The following MEIS1 variants were observed in gnomAD, a reference collection of about 807,000 sequenced individuals.
MEIS1 encodes the protein Meis homeobox 1.
In MEIS1, 5 loss-of-function variants were observed where a neutral mutation model predicts 50.8. That is an observed-to-expected ratio of 0.10 (90% CI 0.05 to 0.21). The LOEUF (loss-of-function observed/expected upper bound fraction) is 0.21. Ranked by LOEUF, MEIS1 falls within the 10% of genes least tolerant of loss-of-function variation. The pLI, the probability that MEIS1 is intolerant of heterozygous loss-of-function variation, is 1.00. For synonymous variants in MEIS1, 176 were observed against 179.3 expected, an observed-to-expected ratio of 0.98 and a Z score of 0.15; for missense variants, 318 against 517.3, an observed-to-expected ratio of 0.61 and a Z score of 3.74.
At position 66,464,216 on chromosome 2, in the gene MEIS1, G is replaced by A. The variant is rs1135875; in HGVS notation, c.738G>A (p.Glu246=). 16,737 of 1,589,780 alleles carry A rather than the reference G, an allele frequency of 0.011. 134 individuals carry two copies. The highest frequency in any genetic ancestry group is 0.025 in the South Asian group (2,180 of 87,084). Residue 246 remains glutamate, a synonymous_variant, in exon 7 of 13, where the codon GAG becomes GAA. Transcript: ENST00000272369. ...CACACAGTGGGGACAACAGCAGTGA[G>A]CAAGGTAGGAGAGATGTTATTCTCT... ...HTSHSGDNSS[E]QGDGLDNSVA... is the part of the protein sequence containing the mutation.
At chr2:66,542,536 C>G (rs528588011) in intron 8 of MEIS1, among the ~76,000 whole-genome samples, 1 of 152,196 alleles carries the variant, frequency 6.6e-6, no homozygotes, top group African/African-American at 2.4e-5. Flanking sequence ...ATTCCCATAC[C>G]TTTTAAAGTA....
chr2:66,507,239 C>T (rs1347675444), intron 7 of MEIS1, among the ~76,000 whole-genome samples: 1 of 152,138 alleles, frequency 6.6e-6, no homozygotes, highest in African/African-American at 2.4e-5. Flanking sequence ...TATAAATGGC[C>T]TGATTTTTGA....
chr2:66,486,690 A>G (rs1255019705), intron 7 of MEIS1, among the ~76,000 whole-genome samples: 1 of 152,224 alleles, frequency 6.6e-6, no homozygotes, highest in East Asian at 1.9e-4. Flanking sequence ...TACTTTGGGC[A>G]GTATGGCCAT....
Position 66,525,274 on chromosome 2 carries a change from C to T in MEIS1, c.888+12980C>T, listed in dbSNP as rs1032675607. On this transcript the variant is annotated intron_variant, in intron 8 of 12. Transcript: ENST00000272369. ...AAAAACAGTGCTCTTTAAGCTATGG[C>T]ATGCATTTAAATTATCTGGATCTTT... 1.2e-4 allele frequency among the ~76,000 whole-genome samples: 18 copies of T among 152,100 alleles called. 1 individual carries two copies. Among genetic ancestry groups the T allele is most frequent in the African/African-American group, 4.1e-4 (17 of 41,418 alleles).
intron 9 of MEIS1, among the ~76,000 whole-genome samples, chr2:66,563,554 G>A (rs747935370): frequency 5.3e-5 from 8 of 151,920 alleles, no homozygotes; most frequent in East Asian, 3.9e-4. Context: ...TTTTTGGTTC[G>A]GTGTTTAGAG....
intron 6 of MEIS1, among the ~76,000 whole-genome samples, chr2:66,446,302 C>A (rs1672144080): frequency 6.6e-6 from 1 of 152,198 alleles, no homozygotes; most frequent in Admixed American, 6.5e-5. Context: ...AGGCCGCACT[C>A]CAGGAAGGAG....
intron 10 of MEIS1, 155 bp from the exon 11 acceptor site, chr2:66,568,512 G>GGT: frequency 3.5e-6 from 2 of 568,012 alleles, no homozygotes; most frequent in Admixed American, 2.8e-5. Flanking sequence ...TGTAGATCTA[G>GGT]TCTGAGAGAA....
chr2:66,571,537 G>T lies in MEIS1; in HGVS notation c.*329G>T, dbSNP rs1348406034. The T allele has an allele frequency of 5.1e-6, 8 of 1,557,324 alleles. No homozygotes were observed. Among genetic ancestry groups the T allele is most frequent in the Non-Finnish European group, 6.1e-6 (7 of 1,151,238 alleles). ...GACATTCATGCTCAGTAGCTTAAGGGAATATGCATTGTCTGCAATGGTGAC... is the reference window on the plus strand; with the variant it reads ...GACATTCATGCTCAGTAGCTTAAGGTAATATGCATTGTCTGCAATGGTGAC... On this transcript the variant is annotated 3_prime_UTR_variant, in exon 13 of 13. Coordinates refer to ENST00000272369, the MANE Select transcript of MEIS1 (RefSeq NM_002398.3).
intron 7 of MEIS1, among the ~76,000 whole-genome samples, chr2:66,482,766 G>T (rs1558534566): frequency 6.6e-6 from 1 of 152,182 alleles, no homozygotes. Flanking sequence ...ATTGAGAACT[G>T]TCTGGAACAC....
chr2:66,520,912 C>T (rs1674101310), intron 8 of MEIS1, among the ~76,000 whole-genome samples: 1 of 152,208 alleles, frequency 6.6e-6, no homozygotes, highest in South Asian at 2.1e-4. Context: ...GCCTCTCAAA[C>T]ACACAGCAAA....
In MEIS1 at chr2:66,512,156, C is replaced by T; in HGVS notation, c.750C>T (p.Gly250=). The change falls in exon 8 of 13, where the codon GGC becomes GGT. Residue 250 remains glycine, a synonymous_variant. Transcript: ENST00000272369. ...GATTCGCTATGTTTGCAGGTGATGGCTTGGACAACAGTGTAGCTTCCCCCA... is the reference window on the plus strand; with the variant it reads ...GATTCGCTATGTTTGCAGGTGATGGTTTGGACAACAGTGTAGCTTCCCCCA... ...SGDNSSEQGD[G]LDNSVASPST... 6.3e-7 allele frequency: 1 copy of T among 1,578,078 alleles called. No homozygotes were observed. Among genetic ancestry groups the T allele is most frequent in the Non-Finnish European group, 8.6e-7 (1 of 1,158,832 alleles).
chr2:66,520,104 C>T (rs1476765928), intron 8 of MEIS1, among the ~76,000 whole-genome samples: 3 of 151,978 alleles, frequency 2.0e-5, no homozygotes, highest in African/African-American at 7.2e-5. Flanking sequence ...AACATGAACA[C>T]TCATCCTATG....
intron 6 of MEIS1, among the ~76,000 whole-genome samples, chr2:66,460,963 C>T (rs1325543237): frequency 6.6e-6 from 1 of 152,174 alleles, no homozygotes; most frequent in Non-Finnish European, 1.5e-5. Flanking sequence ...TGATTCTGGA[C>T]CTCAGGTTAA....
chr2:66,530,954 C>T (rs888129729), intron 8 of MEIS1, among the ~76,000 whole-genome samples: 1 of 152,222 alleles, frequency 6.6e-6, no homozygotes, highest in African/African-American at 2.4e-5. Flanking sequence ...CATGCAAATG[C>T]AGCTGTCTGC....
intron 7 of MEIS1, among the ~76,000 whole-genome samples, chr2:66,511,151 C>G (rs1673820580): frequency 6.6e-6 from 1 of 152,100 alleles, no homozygotes; most frequent in Non-Finnish European, 1.5e-5. Context: ...TTGTTGTTTT[C>G]CTTTTTGACT....
At chr2:66,477,546 T>C (rs1672922457) in intron 7 of MEIS1, among the ~76,000 whole-genome samples, 1 of 152,200 alleles carries the variant, frequency 6.6e-6, no homozygotes, top group Admixed American at 6.5e-5. Context: ...ATCCTGCTAA[T>C]TCTCTCTGCT....
chr2:66,488,685 G>A (rs985293902), intron 7 of MEIS1, among the ~76,000 whole-genome samples: 10 of 151,930 alleles, frequency 6.6e-5, no homozygotes, highest in African/African-American at 2.4e-4. Context: ...CTCAAAAAAA[G>A]AAAAAAATCT....
Position 66,441,418 on chromosome 2 carries a change from T to A in MEIS1, c.437T>A (p.Ile146Asn). 6.5e-7 allele frequency: 1 copy of A among 1,545,940 alleles called. No individual in the cohort carries two copies. Among genetic ancestry groups the A allele is most frequent in the South Asian group, 1.3e-5 (1 of 79,386 alleles). The change falls in exon 5 of 13, where the codon ATT (isoleucine) becomes AAT (asparagine). Residue 146 changes from isoleucine (I) to asparagine (N), a missense_variant. Around this residue, in one of 6 missense-constraint regions of MEIS1, gnomAD observed 75 missense variants for 153.7 expected, o/e 0.49. Coordinates refer to ENST00000272369, the MANE Select transcript of MEIS1 (RefSeq NM_002398.3). ...ATTGTTTTTGTATCTTTGCAGATGA[T>A]TCAAGCCATACAAGTATTAAGGTTT... Reference protein sequence around the residue: ...SSNPELDNLMIQAIQVLRFHL... With the variant: ...SSNPELDNLMNQAIQVLRFHL...
chr2:66,509,468 G>A (rs531622315), intron 7 of MEIS1, among the ~76,000 whole-genome samples: 2 of 152,324 alleles, frequency 1.3e-5, no homozygotes, highest in East Asian at 3.9e-4. Flanking sequence ...CCTAAAAACA[G>A]TAGGAAGAAC....
Sources: allele counts gnomAD v4.1 joint callset (sites outside exome capture counted in the v4.1 genomes callset), GRCh38; gene constraint gnomAD v4.1.1; regional missense constraint gnomAD v4.1.1; transcripts MANE v1.5; gene names NCBI Gene and HGNC (gene_info 2026-07-23, HGNC 2026-07-21).